The following ATOSA variants were observed in gnomAD, a reference collection of about 807,000 sequenced individuals.
The protein encoded by ATOSA is atos homolog protein A.
the ATOSA span, among the ~76,000 whole-genome samples, chr15:52,630,616 C>A: frequency 6.6e-6 from 1 of 152,138 alleles, no homozygotes; most frequent in Non-Finnish European, 1.5e-5. Context: ...CAAACACTTT[C>A]AAAAATAACC....
the ATOSA span, among the ~76,000 whole-genome samples, chr15:52,612,117 T>C: frequency 2.0e-5 from 3 of 152,074 alleles, no homozygotes; most frequent in Admixed American, 1.3e-4. Flanking sequence ...CTCAAGTAGC[T>C]GGGATTACAG....
the ATOSA span, among the ~76,000 whole-genome samples, chr15:52,699,476 G>A: frequency 6.6e-6 from 1 of 151,402 alleles, no homozygotes; most frequent in Non-Finnish European, 1.5e-5. Flanking sequence ...AGGATTAAAA[G>A]GATTTGGAGA....
At chr15:52,594,831 G>C in the ATOSA span, among the ~76,000 whole-genome samples, 123 of 152,168 alleles carry the variant, frequency 8.1e-4, no homozygotes, top group African/African-American at 2.9e-3. Context: ...CTGTACTACT[G>C]CCAGAGTTCT....
At chr15:52,617,004 T>C in the ATOSA span, among the ~76,000 whole-genome samples, 1 of 152,116 alleles carries the variant, frequency 6.6e-6, no homozygotes, top group Admixed American at 6.6e-5. Context: ...CTAAAGTATA[T>C]TGTTATGAAA....
chr15:52,613,629 T>C, the ATOSA span: 15 of 1,550,058 alleles, frequency 9.7e-6, no homozygotes, highest in Non-Finnish European at 1.1e-5. Context: ...GAACATAAAC[T>C]AGTTTATATA....
At chr15:52,639,581 C>T in the ATOSA span, among the ~76,000 whole-genome samples, 1 of 152,132 alleles carries the variant, frequency 6.6e-6, no homozygotes, top group Non-Finnish European at 1.5e-5. Flanking sequence ...AAGGTCTTAT[C>T]TATAGAAAAT....
the ATOSA span, among the ~76,000 whole-genome samples, chr15:52,651,651 C>T: frequency 6.6e-6 from 1 of 152,156 alleles, no homozygotes; most frequent in Non-Finnish European, 1.5e-5. Flanking sequence ...TTGTTCAGTT[C>T]AGCATTTTAA....
chr15:52,670,458 A>C, the ATOSA span, among the ~76,000 whole-genome samples: 1 of 152,236 alleles, frequency 6.6e-6, no homozygotes, highest in African/African-American at 2.4e-5. Context: ...TAAGTTCCGA[A>C]GTTAGAATTT....
At chr15:52,687,756 C>G in the ATOSA span, among the ~76,000 whole-genome samples, 1 of 151,898 alleles carries the variant, frequency 6.6e-6, no homozygotes, top group African/African-American at 2.4e-5. Context: ...TTGTTTTTTG[C>G]CGTTAGCCCC....
At chr15:52,641,038 T>C in the ATOSA span, among the ~76,000 whole-genome samples, 2 of 152,212 alleles carry the variant, frequency 1.3e-5, no homozygotes, top group Non-Finnish European at 2.9e-5. Flanking sequence ...TGAAAAGACA[T>C]GCAGTCTTGG....
the ATOSA span, chr15:52,655,984 C>T: frequency 6.6e-6 from 1 of 152,068 alleles, no homozygotes; most frequent in African/African-American, 2.4e-5. Flanking sequence ...GACATCAGGT[C>T]TACATGATGT....
the ATOSA span, among the ~76,000 whole-genome samples, chr15:52,689,677 A>G: frequency 6.6e-6 from 1 of 152,030 alleles, no homozygotes; most frequent in African/African-American, 2.4e-5. Context: ...AACCCTCTAT[A>G]GGCTGGCAAG....
chr15:52,603,753 C>CTATG, the ATOSA span, among the ~76,000 whole-genome samples: 1 of 152,120 alleles, frequency 6.6e-6, no homozygotes, highest in Non-Finnish European at 1.5e-5. Flanking sequence ...CATGTTCTCA[C>CTATG]TCATATGGGG....
chr15:52,616,850 A>G, the ATOSA span, among the ~76,000 whole-genome samples: 1 of 152,314 alleles, frequency 6.6e-6, no homozygotes, highest in East Asian at 1.9e-4. Flanking sequence ...TAGACATAGA[A>G]AGCCAGAAAA....
chr15:52,685,987 T>A, the ATOSA span, among the ~76,000 whole-genome samples: 3 of 152,092 alleles, frequency 2.0e-5, no homozygotes, highest in African/African-American at 7.2e-5. Flanking sequence ...CACCTCAGCC[T>A]CCCCCTGGGA....
chr15:52,676,681 A>G, the ATOSA span, among the ~76,000 whole-genome samples: 1 of 152,200 alleles, frequency 6.6e-6, no homozygotes, highest in South Asian at 2.1e-4. Context: ...TGTTTCCCCT[A>G]AAAATCTATA....
the ATOSA span, chr15:52,611,378 T>C: frequency 3.8e-6 from 5 of 1,303,872 alleles, no homozygotes; most frequent in Non-Finnish European, 5.2e-6. Context: ...AGCATAGGAA[T>C]ACACTTACGA....
At chr15:52,629,623 G>A in the ATOSA span, 2 of 405,642 alleles carry the variant, frequency 4.9e-6, no homozygotes, top group South Asian at 1.7e-5. Flanking sequence ...CCAACATGGT[G>A]AAATCCTGTC....
At chr15:52,618,677 TTTC>T in the ATOSA span, among the ~76,000 whole-genome samples, 600 of 152,118 alleles carry the variant, frequency 3.9e-3, 4 homozygotes, top group Non-Finnish European at 3.9e-3. Context: ...AAAAAAGTAT[TTTC>T]TTCTTCTTCT....
Sources: allele counts gnomAD v4.1 joint callset (sites outside exome capture counted in the v4.1 genomes callset), GRCh38; gene constraint gnomAD v4.1.1; transcripts MANE v1.5; gene names NCBI Gene and HGNC (gene_info 2026-07-23, HGNC 2026-07-21).